ERC1: variants seen among roughly 807,000 people sequenced by gnomAD.
ERC1 encodes the protein ELKS/RAB6-interacting/CAST family member 1.
A neutral mutation model predicts 132.0 loss-of-function variants in ERC1; 56 were observed. The ratio of observed to expected loss-of-function variants is 0.42; its 90% CI spans 0.34 to 0.53. The LOEUF (loss-of-function observed/expected upper bound fraction) is 0.53, where lower values mean the gene tolerates loss of function less well. ERC1 is among the 20% of genes least tolerant of loss of function. The probability of loss-of-function intolerance (pLI) is 0.03; values close to 1 mark genes in which losing one functional copy is unlikely to be tolerated. For missense variants in ERC1, 1,202 were observed against 1,349.9 expected (o/e 0.89, Z 1.72); for synonymous variants, 478 against 476.1 (o/e 1.00, Z -0.05).
At position 1,145,436 on chromosome 12, in the gene ERC1, T is replaced by C. The variant is rs139173479; in HGVS notation, c.1737+3649T>C. 2.5e-3 allele frequency among the ~76,000 whole-genome samples: 383 copies of C among 152,334 alleles called. 1 individual carries two copies. Among genetic ancestry groups the C allele is most frequent in the African/African-American group, 8.0e-3 (333 of 41,576 alleles). On this transcript the variant is annotated intron_variant, in intron 8 of 18. Transcript: ENST00000360905. ...ACTTTTTGATGGGATTATTTGTTTTTTACTTGATGATTTGAATTCTTTGTA... is the reference window on the plus strand; with the variant it reads ...ACTTTTTGATGGGATTATTTGTTTTCTACTTGATGATTTGAATTCTTTGTA...
intron 15 of ERC1, among the ~76,000 whole-genome samples, chr12:1,342,456 G>A (rs1183315585): frequency 2.3e-5 from 3 of 130,964 alleles, no homozygotes; most frequent in South Asian, 2.5e-4. Flanking sequence ...GACAAAGAGC[G>A]AAACTCTGTC....
intron 12 of ERC1, among the ~76,000 whole-genome samples, chr12:1,206,589 A>G (rs1487560117): frequency 1.3e-5 from 2 of 152,110 alleles, no homozygotes; most frequent in Non-Finnish European, 2.9e-5. Flanking sequence ...CTATCTTCAG[A>G]CATACACATC....
At chr12:1,066,625 T>G (rs994013651) in intron 2 of ERC1, among the ~76,000 whole-genome samples, 2 of 152,012 alleles carry the variant, frequency 1.3e-5, no homozygotes, top group Non-Finnish European at 2.9e-5. Context: ...TCACGTGAGG[T>G]CAGGAGTTTG....
chr12:1,143,978 A>T (rs1950102509), intron 8 of ERC1, among the ~76,000 whole-genome samples: 1 of 151,630 alleles, frequency 6.6e-6, no homozygotes, highest in Non-Finnish European at 1.5e-5. Context: ...TTTTTAGTTT[A>T]TTCTTTTGGC....
Position 1,083,199 on chromosome 12 carries a change from A to T in ERC1, c.705A>T (p.Glu235Asp), listed in dbSNP as rs1187044110. 1 of 1,613,944 alleles carries T rather than the reference A, an allele frequency of 6.2e-7. No individual in the cohort carries two copies. Among genetic ancestry groups the T allele is most frequent in the Admixed American group, 1.7e-5 (1 of 59,958 alleles). ...TGACAATCCAGGCTCTCCAGGATGA[A>T]TTGCGGATCCAGAGGGACCTGAATC... The part of the protein sequence containing the change: ...MQMTIQALQD[E>D]LRIQRDLNQL... Residue 235 changes from glutamate (E) to aspartate (D), a missense_variant, in exon 3 of 19, where the codon GAA becomes GAT. Transcript: ENST00000360905.
At chr12:1,401,048 G>A (rs1009136902) in intron 16 of ERC1, among the ~76,000 whole-genome samples, 3 of 143,562 alleles carry the variant, frequency 2.1e-5, no homozygotes, top group African/African-American at 5.1e-5. Flanking sequence ...CCATTCTCCT[G>A]CCTCAGCCTC....
At position 1,481,741 on chromosome 12, in the gene ERC1, C is replaced by T. The variant is rs962206959; in HGVS notation, c.3214-8352C>T. Among the ~76,000 whole-genome samples, 9 of 152,302 alleles carry T rather than the reference C, an allele frequency of 5.9e-5. No individual in the cohort carries two copies. In the South Asian group the frequency reaches 6.2e-4, roughly 11 times the overall value. On this transcript the variant is annotated intron_variant, in intron 18 of 18. Transcript: ENST00000360905. ...TCCCAGGCATAGCATACGTTAGACC[C>T]TGGAAAAGCGTAGCCTTGTAGTCTG...
intron 12 of ERC1, among the ~76,000 whole-genome samples, chr12:1,234,592 C>T (rs565450953): frequency 2.6e-5 from 4 of 152,264 alleles, no homozygotes; most frequent in East Asian, 3.9e-4. Context: ...TGGAACTTGA[C>T]GGGCTAGTTC....
chr12:1,372,459 T>C (rs1397517958), intron 16 of ERC1, among the ~76,000 whole-genome samples: 3 of 152,242 alleles, frequency 2.0e-5, no homozygotes, highest in Non-Finnish European at 4.4e-5. Context: ...GTAACACCTT[T>C]TGTTTGTGAA....
At chr12:1,135,854 C>A (rs536177943) in intron 7 of ERC1, among the ~76,000 whole-genome samples, 26 of 152,186 alleles carry the variant, frequency 1.7e-4, no homozygotes, top group Non-Finnish European at 3.1e-4. Context: ...TTTAAAGCCA[C>A]CTGGTTTGTG....
At chr12:997,494 G>T (rs1041200961) in intron 1 of ERC1, among the ~76,000 whole-genome samples, 1 of 152,188 alleles carries the variant, frequency 6.6e-6, no homozygotes. Flanking sequence ...AGGATCTTGG[G>T]TTTGAGGAAC....
intron 1 of ERC1, among the ~76,000 whole-genome samples, chr12:1,019,570 T>C (rs1178271882): frequency 1.3e-5 from 2 of 152,198 alleles, no homozygotes; most frequent in African/African-American, 4.8e-5. Flanking sequence ...ATCATCCTTT[T>C]ATGGAAATAG....
rs150236016 is a variant in ERC1 at position 1,445,365 on chromosome 12, G to A, written c.3213+615G>A. Reference sequence around the variant, plus strand: ...CTGCCTCAGCCTTCCGGGTAGCTGGGACTACAGGCGCGTGCCAACATGCCC... The same window carrying A: ...CTGCCTCAGCCTTCCGGGTAGCTGGAACTACAGGCGCGTGCCAACATGCCC... On this transcript the variant is annotated intron_variant, in intron 18 of 18. Transcript: ENST00000360905. Among the ~76,000 whole-genome samples the A allele has an allele frequency of 9.9e-5, 15 of 151,970 alleles. No individual in the cohort carries two copies. The South Asian group carries it at 2.5e-3, about 25-fold the overall frequency.
At chr12:1,011,646 C>A (rs1486929807) in intron 1 of ERC1, among the ~76,000 whole-genome samples, 5 of 152,082 alleles carry the variant, frequency 3.3e-5, no homozygotes, top group Non-Finnish European at 5.9e-5. Flanking sequence ...AAAATATATT[C>A]TTGAAGGCTG....
chr12:1,495,197 G>A lies in ERC1; in HGVS notation c.*4967G>A. ...CCTGGCAGGCCACAGGACCTCTCCTGCCCACTTGGTGCTATCTCTTCCAGT... is the reference window on the plus strand; with the variant it reads ...CCTGGCAGGCCACAGGACCTCTCCTACCCACTTGGTGCTATCTCTTCCAGT... On this transcript the variant is annotated 3_prime_UTR_variant, in exon 19 of 19. Coordinates refer to ENST00000360905, the MANE Select transcript of ERC1 (RefSeq NM_178040.4). 4.3e-6 allele frequency: 1 copy of A among 230,862 alleles called. No individual in the cohort carries two copies. 14.3% of individuals were successfully genotyped at this position (230,862 alleles called of 1,614,324 possible).
At chr12:1,312,046 G>A (rs2081346810) in intron 15 of ERC1, among the ~76,000 whole-genome samples, 1 of 152,150 alleles carries the variant, frequency 6.6e-6, no homozygotes, top group African/African-American at 2.4e-5. Flanking sequence ...TCTCAGTGCA[G>A]GGGTTGGACA....
At chr12:1,444,312 G>C (rs1307687853) in intron 17 of ERC1, 3 of 356,466 alleles carry the variant, frequency 8.4e-6, no homozygotes, top group Admixed American at 8.7e-5. Flanking sequence ...CTGTCCGTCT[G>C]GTGTGAATAT....
At chr12:1,192,041 G>A (rs1955785825) in intron 12 of ERC1, among the ~76,000 whole-genome samples, 1 of 152,196 alleles carries the variant, frequency 6.6e-6, no homozygotes, top group East Asian at 1.9e-4. Flanking sequence ...GTGACGTGGT[G>A]GTTGAGCCAG....
chr12:1,424,259 CTAA>C (rs1032787556), intron 17 of ERC1, among the ~76,000 whole-genome samples: 1 of 152,080 alleles, frequency 6.6e-6, no homozygotes, highest in Non-Finnish European at 1.5e-5. Flanking sequence ...AGAGAAAAAA[CTAA>C]TGATTGAACA....
Sources: allele counts gnomAD v4.1 joint callset (sites outside exome capture counted in the v4.1 genomes callset), GRCh38; gene constraint gnomAD v4.1.1; transcripts MANE v1.5; gene names NCBI Gene and HGNC (gene_info 2026-07-23, HGNC 2026-07-21).